NPHP4: variants seen among roughly 807,000 people sequenced by gnomAD.
NPHP4 encodes nephrocystin-4.
Under a neutral mutation model 155.8 loss-of-function variants are expected in NPHP4, and 151 were observed. The observed-to-expected ratio is 0.97, with a 90% CI of 0.85 to 1.11. The LOEUF is 1.11. Ranked by LOEUF, NPHP4 falls within the 50% of genes least tolerant of loss-of-function variation. The pLI, the probability that NPHP4 is intolerant of heterozygous loss-of-function variation, is 0.00. For synonymous variants in NPHP4, 845 were observed against 816.8 expected (o/e 1.03, Z -0.59); for missense variants, 1,956 against 1,925.7 (o/e 1.02, Z -0.29).
intron 19 of NPHP4, among the ~76,000 whole-genome samples, chr1:5,878,919 T>A (rs891132290): frequency 1.3e-5 from 2 of 152,248 alleles, no homozygotes; most frequent in African/African-American, 4.8e-5. Flanking sequence ...ATCCAGATTC[T>A]AAGCCAAGTT....
rs1570767196 is a variant in NPHP4, at chr1:5,986,144, C to T, written c.135+11G>A. 6.2e-7 allele frequency: 1 copy of T among 1,613,752 alleles called. No individual in the cohort carries two copies. Among genetic ancestry groups the T allele is most frequent in the East Asian group, 2.2e-5 (1 of 44,888 alleles). On this transcript the variant is annotated intron_variant, in intron 2 of 29. Coordinates refer to ENST00000378156, the MANE Select transcript of NPHP4 (RefSeq NM_015102.5). Reference sequence around the variant, plus strand: ...CAATAACACGCATTTGCTAACAGCACATTTTGTTACCTGCCTAATTACCGG... The same window carrying T: ...CAATAACACGCATTTGCTAACAGCATATTTTGTTACCTGCCTAATTACCGG...
chr1:5,974,715 G>C (rs1653218689), intron 3 of NPHP4, among the ~76,000 whole-genome samples: 1 of 149,482 alleles, frequency 6.7e-6, no homozygotes, highest in Non-Finnish European at 1.5e-5. Context: ...CCCAGCTCTG[G>C]ATCAAGACAA....
chr1:5,912,754 C>T (rs146338925), intron 11 of NPHP4, among the ~76,000 whole-genome samples: 2 of 149,540 alleles, frequency 1.3e-5, no homozygotes, highest in Non-Finnish European at 3.0e-5. Flanking sequence ...GAAGTAGTAA[C>T]ACAGTCAGCA....
At chr1:5,937,401 C>CT (rs1178382605) in intron 9 of NPHP4, among the ~76,000 whole-genome samples, 1 of 152,250 alleles carries the variant, frequency 6.6e-6, no homozygotes, top group African/African-American at 2.4e-5. Flanking sequence ...CATACAGGCC[C>CT]TTGATGGCTT....
intron 12 of NPHP4, 89 bp downstream of exon 12, chr1:5,909,063 A>G: frequency 9.2e-7 from 1 of 1,086,906 alleles, no homozygotes; most frequent in Non-Finnish European, 1.4e-6. Flanking sequence ...GCACGCAGGG[A>G]TCCACTGTGC....
At chr1:5,937,060 A>G (rs1435756698) in intron 9 of NPHP4, among the ~76,000 whole-genome samples, 1 of 152,226 alleles carries the variant, frequency 6.6e-6, no homozygotes, top group Non-Finnish European at 1.5e-5. Context: ...GGAGCCCCAA[A>G]ACCCACAAGA....
intron 10 of NPHP4, among the ~76,000 whole-genome samples, chr1:5,928,808 C>CA (rs113365524): frequency 6.6e-5 from 10 of 152,090 alleles, no homozygotes; most frequent in African/African-American, 2.4e-4. Context: ...TCTATATCGC[C>CA]AAAAAAATCC....
Position 5,866,381 on chromosome 1 carries a change from G to T in NPHP4, c.3636C>A (p.Ile1212=), listed in dbSNP as rs779900061. Residue 1212 remains isoleucine (I), a synonymous_variant, in exon 26 of 30, where the codon ATC becomes ATA. Transcript: ENST00000378156. ...PSPEIKDFFV[I]IYSDRWLATP... is the part of the protein sequence containing the mutation. ...AAAGCCTGTGCACTTACGAGTAAAT[G>T]ATGACAAAGAAGTCTTTGATCTCCG... is the stretch of plus-strand genomic sequence containing the variant. The T allele has an allele frequency of 3.7e-6, 6 of 1,604,338 alleles. No individual in the cohort carries two copies. The highest frequency in any genetic ancestry group is 5.1e-6 in the Non-Finnish European group (6 of 1,173,326).
intron 9 of NPHP4, among the ~76,000 whole-genome samples, chr1:5,933,741 C>T (rs1224163603): frequency 6.6e-6 from 1 of 152,238 alleles, no homozygotes; most frequent in Admixed American, 6.5e-5. Flanking sequence ...AGGAACAGCA[C>T]TTTGAATTCC....
At chr1:5,982,218 T>C (rs1157140654) in intron 2 of NPHP4, among the ~76,000 whole-genome samples, 3 of 152,220 alleles carry the variant, frequency 2.0e-5, no homozygotes, top group East Asian at 1.9e-4. Context: ...TATACAGTCA[T>C]GTGTAACATA....
At chr1:5,927,315 C>T (rs990166834) in intron 11 of NPHP4, among the ~76,000 whole-genome samples, 1 of 152,168 alleles carries the variant, frequency 6.6e-6, no homozygotes, top group Admixed American at 6.5e-5. Context: ...CGCAAGGTGG[C>T]GGTCCTCGGC....
At chr1:5,969,334 C>T in intron 3 of NPHP4, 75 bp from the exon 4 acceptor site, 1 of 921,226 alleles carries the variant, frequency 1.1e-6, no homozygotes, top group East Asian at 2.7e-5. Context: ...TGTCCCCACC[C>T]CCGAGACCGC....
chr1:5,958,156 T>C (rs190014091), intron 6 of NPHP4, among the ~76,000 whole-genome samples: 97 of 152,358 alleles, frequency 6.4e-4, no homozygotes, highest in Admixed American at 6.3e-3. Context: ...TGAACACACA[T>C]GAACTTCGTG....
chr1:5,899,203 T>C (rs954277095), intron 16 of NPHP4, among the ~76,000 whole-genome samples: 5 of 152,072 alleles, frequency 3.3e-5, no homozygotes, highest in South Asian at 2.1e-4. Context: ...ACAACGGCCG[T>C]GCGCACCAAA....
chr1:5,873,134 C>T, intron 23 of NPHP4, 118 bp downstream of exon 23: 1 of 887,642 alleles, frequency 1.1e-6, no homozygotes, highest in Non-Finnish European at 1.8e-6. Context: ...CCCACGCCAC[C>T]CCTGCCCTGA....
At chr1:5,897,424 A>G (rs1350425858) in intron 16 of NPHP4, among the ~76,000 whole-genome samples, 1 of 152,244 alleles carries the variant, frequency 6.6e-6, no homozygotes, top group East Asian at 1.9e-4. Context: ...AGATAGTCTG[A>G]CATTCGCGCC....
rs370840400 is a variant in NPHP4 at position 5,873,347 on chromosome 1, G to A, written c.3232-12C>T. 380 of 1,611,424 alleles carry A rather than the reference G, an allele frequency of 2.4e-4. No individual in the cohort carries two copies. Among genetic ancestry groups the A allele is most frequent in the African/African-American group, 2.3e-3 (170 of 74,968 alleles). ...AACCCAGGAGAGGCCTGCAGGAACC[G>A]AACAGCACAAGCAGGTCAGGAAGCA... On this transcript the variant is annotated splice_polypyrimidine_tract_variant and intron_variant, in intron 22 of 29. Transcript: ENST00000378156.
chr1:5,968,882 A>G (rs1205601841), intron 4 of NPHP4, among the ~76,000 whole-genome samples: 2 of 152,024 alleles, frequency 1.3e-5, no homozygotes, highest in Admixed American at 6.5e-5. Flanking sequence ...AAAAATACAA[A>G]AATCAGCTGG....
intron 1 of NPHP4, among the ~76,000 whole-genome samples, chr1:5,991,157 T>A (rs771004124): frequency 4.8e-4 from 73 of 151,970 alleles, no homozygotes; most frequent in Non-Finnish European, 9.7e-4. Flanking sequence ...CTTGGGGAGC[T>A]TTTGGGGAAG....
Sources: gnomAD v4.1 joint callset for allele counts (sites outside exome capture counted in the v4.1 genomes callset) on GRCh38, gnomAD v4.1.1 for gene constraint, MANE v1.5 for transcripts, NCBI Gene and HGNC (gene_info 2026-07-23, HGNC 2026-07-21) for gene names.